TIPARP: variants seen among roughly 807,000 people sequenced by gnomAD.
TIPARP encodes TCDD inducible poly(ADP-ribose) polymerase.
In TIPARP, 12 loss-of-function variants were observed where a neutral mutation model predicts 56.5. That is an observed-to-expected ratio of 0.21 (90% CI 0.14 to 0.34). TIPARP has a LOEUF of 0.34. TIPARP is among the 10% of genes least tolerant of loss of function. TIPARP has a pLI of 1.00. For synonymous variants in TIPARP, 296 were observed against 265.7 expected (o/e 1.11, Z -1.11); for missense variants, 604 against 781.6 (o/e 0.77, Z 2.71).
At chr3:156,697,615 G>A (rs184945767) in intron 4 of TIPARP, among the ~76,000 whole-genome samples, 1 of 152,260 alleles carries the variant, frequency 6.6e-6, no homozygotes, top group Admixed American at 6.5e-5. Flanking sequence ...GGCAGCACTA[G>A]GTCAAGCCAA....
At chr3:156,690,623 T>C (rs1485332074) in intron 2 of TIPARP, among the ~76,000 whole-genome samples, 1 of 152,184 alleles carries the variant, frequency 6.6e-6, no homozygotes, top group Non-Finnish European at 1.5e-5. Flanking sequence ...CATTCTTCCC[T>C]TAATAGCAAA....
intron 1 of TIPARP, chr3:156,675,892 C>T (rs917742655): frequency 1.3e-5 from 2 of 152,186 alleles, no homozygotes; most frequent in Non-Finnish European, 1.5e-5. Flanking sequence ...GTGGCTTTCC[C>T]CCTCCAGCCA....
chr3:156,697,547 G>A (rs1003759837), intron 4 of TIPARP, among the ~76,000 whole-genome samples: 1 of 151,372 alleles, frequency 6.6e-6, no homozygotes, highest in African/African-American at 2.4e-5. Context: ...TTGTTTTATG[G>A]TGCTTTGCTT....
chr3:156,698,146 G>A (rs1021021250), intron 4 of TIPARP, among the ~76,000 whole-genome samples: 2 of 152,288 alleles, frequency 1.3e-5, no homozygotes, highest in African/African-American at 4.8e-5. Flanking sequence ...TTTCAAGGCC[G>A]AGAGAGGTGA....
Position 156,696,007 on chromosome 3 carries a change from T to C in TIPARP, c.1229T>C (p.Ile410Thr). Residue 410 changes from isoleucine (I) to threonine (T), a missense_variant, in exon 4 of 6, where the codon ATA (isoleucine) becomes ACA (threonine). Physicochemically the swap from Ile to Thr is moderately conservative, Grantham distance 89. Coordinates refer to ENST00000295924, the MANE Select transcript of TIPARP (RefSeq NM_015508.5). ...KRRPLFRSCFILLPYLQTLGG... is the reference protein window; with the variant it reads ...KRRPLFRSCFTLLPYLQTLGG... ...AGACCCCTCTTCCGCTCCTGTTTTATACTGCTTCCATATTTACAGTAAGTG... is the reference window on the plus strand; with the variant it reads ...AGACCCCTCTTCCGCTCCTGTTTTACACTGCTTCCATATTTACAGTAAGTG... The C allele has an allele frequency of 6.2e-7, 1 of 1,609,156 alleles. No homozygotes were observed. Among genetic ancestry groups the C allele is most frequent in the Non-Finnish European group, 8.5e-7 (1 of 1,178,620 alleles).
In TIPARP at chr3:156,705,472, G is replaced by T; in HGVS notation, c.*341G>T. ...CCTAATTTAAATGTGGCTTGGGCCT[G>T]GTAGAAGTTTGACCAAATGGAATGG... On this transcript the variant is annotated 3_prime_UTR_variant, in exon 6 of 6. Transcript: ENST00000295924. 1 of 172,048 alleles carries T rather than the reference G, an allele frequency of 5.8e-6. No individual in the cohort carries two copies. Among genetic ancestry groups the T allele is most frequent in the Non-Finnish European group, 1.3e-5 (1 of 79,974 alleles). The allele number at this position is 172,048 out of a possible 1,614,324, so 10.7% of individuals were successfully genotyped here.
At chr3:156,703,367 G>A (rs1383050234) in intron 4 of TIPARP, 57 bp from the exon 5 acceptor site, 10 of 1,543,050 alleles carry the variant, frequency 6.5e-6, no homozygotes, top group Non-Finnish European at 8.8e-6. Flanking sequence ...TCACTATAAT[G>A]TGAGGTGTAC....
chr3:156,685,942 A>C (rs1722418240), intron 2 of TIPARP, among the ~76,000 whole-genome samples: 1 of 152,232 alleles, frequency 6.6e-6, no homozygotes, highest in South Asian at 2.1e-4. Context: ...AATACTCTAA[A>C]TAATTTCCTG....
intron 4 of TIPARP, among the ~76,000 whole-genome samples, chr3:156,702,386 A>G (rs1722871883): frequency 6.6e-6 from 1 of 152,198 alleles, no homozygotes; most frequent in Admixed American, 6.5e-5. Context: ...TATTGTATGT[A>G]AAATGGCTGG....
At chr3:156,676,235 T>C (rs903651838) in intron 1 of TIPARP, among the ~76,000 whole-genome samples, 1 of 152,228 alleles carries the variant, frequency 6.6e-6, no homozygotes, top group African/African-American at 2.4e-5. Flanking sequence ...GATCCCTCCT[T>C]CTTCGTGAAG....
rs1722900264 is a variant in TIPARP at position 156,703,435 on chromosome 3, G to A, written c.1259G>A (p.Gly420Glu). ...CCTCTCCATTTTAGGACACTTGGTGGGGTTCCCACACAAGCTCCTCCACCT... is the reference window on the plus strand; with the variant it reads ...CCTCTCCATTTTAGGACACTTGGTGAGGTTCCCACACAAGCTCCTCCACCT... ...ILLPYLQTLG[G>E]VPTQAPPPLE... The change falls in exon 5 of 6, where the codon GGG (glycine) becomes GAG (glutamate). Residue 420 changes from glycine (G) to glutamate (E), a missense_variant. Around this residue, in one of 4 missense-constraint regions of TIPARP, gnomAD observed 252 missense variants for 303.9 expected, o/e 0.83. Coordinates refer to ENST00000295924, the MANE Select transcript of TIPARP (RefSeq NM_015508.5). 3 of 1,613,900 alleles carry A rather than the reference G, an allele frequency of 1.9e-6. No individual in the cohort carries two copies. Among genetic ancestry groups the A allele is most frequent in the Non-Finnish European group, 2.5e-6 (3 of 1,179,950 alleles).
Position 156,694,090 on chromosome 3 carries a change from A to G in TIPARP, c.988A>G (p.Arg330Gly). 1 of 1,613,620 alleles carries G rather than the reference A, an allele frequency of 6.2e-7. No individual in the cohort carries two copies. The highest frequency in any genetic ancestry group is 8.5e-7 in the Non-Finnish European group (1 of 1,179,758). The change falls in exon 3 of 6, where the codon AGG (arginine) becomes GGG (glycine). Residue 330 changes from arginine (R) to glycine (G), a missense_variant. Coordinates refer to ENST00000295924, the MANE Select transcript of TIPARP (RefSeq NM_015508.5). Reference sequence around the variant, plus strand: ...AACAACTGAATTTGACCAACTACGAAGGCTGTCCACACCACCCTCTAGCAA... The same window carrying G: ...AACAACTGAATTTGACCAACTACGAGGGCTGTCCACACCACCCTCTAGCAA... ...YETTEFDQLRRLSTPPSSNVN... is the reference protein window; with the variant it reads ...YETTEFDQLRGLSTPPSSNVN...
intron 4 of TIPARP, among the ~76,000 whole-genome samples, chr3:156,697,685 C>A (rs955412865): frequency 6.6e-6 from 1 of 152,046 alleles, no homozygotes; most frequent in Non-Finnish European, 1.5e-5. Flanking sequence ...AATCATATTT[C>A]GGGTATTCTT....
intron 2 of TIPARP, among the ~76,000 whole-genome samples, chr3:156,681,552 A>G (rs1462479819): frequency 6.6e-6 from 1 of 152,206 alleles, no homozygotes; most frequent in Non-Finnish European, 1.5e-5. Context: ...ATTGGATTTA[A>G]TACCTAAATC....
At chr3:156,676,578 G>C (rs1332936597) in intron 1 of TIPARP, 1 of 152,152 alleles carries the variant, frequency 6.6e-6, no homozygotes, top group Admixed American at 6.5e-5. Flanking sequence ...GGGCACCTAG[G>C]ATGCATATTT....
In TIPARP at chr3:156,706,613, A is replaced by T. The variant is rs1057326944; in HGVS notation, c.*1482A>T. ...TTCAATTATAACTTGTAAACCAGTGACTCCTAATCTTTTTCAAGTTAAGAC... is the reference window on the plus strand; with the variant it reads ...TTCAATTATAACTTGTAAACCAGTGTCTCCTAATCTTTTTCAAGTTAAGAC... On this transcript the variant is annotated 3_prime_UTR_variant, in exon 6 of 6. Transcript: ENST00000295924. The T allele has an allele frequency of 3.7e-4, 57 of 152,438 alleles. No individual in the cohort carries two copies. Among genetic ancestry groups the T allele is most frequent in the African/African-American group, 1.3e-3 (54 of 41,356 alleles). 9.4% of individuals were successfully genotyped at this position (152,438 alleles called of 1,614,324 possible).
chr3:156,690,726 AT>A (rs1217097779), intron 2 of TIPARP, among the ~76,000 whole-genome samples: 6 of 152,142 alleles, frequency 3.9e-5, no homozygotes, highest in African/African-American at 1.4e-4. Flanking sequence ...TAGCCATCTG[AT>A]ACAAATAGCA....
intron 2 of TIPARP, 76 bp from the exon 3 acceptor site, chr3:156,693,944 T>C (rs548113844): frequency 6.9e-7 from 1 of 1,442,868 alleles, no homozygotes; most frequent in South Asian, 1.4e-5. Context: ...TAATGTCCAA[T>C]GATATTTTTA....
intron 1 of TIPARP, chr3:156,675,575 G>C (rs1038552078): frequency 6.6e-6 from 1 of 152,436 alleles, no homozygotes; most frequent in Admixed American, 6.5e-5. Context: ...TTGCAGAGCC[G>C]GGCGGCGCCT....
Sources: allele counts gnomAD v4.1 joint callset (sites outside exome capture counted in the v4.1 genomes callset), GRCh38; gene constraint gnomAD v4.1.1; regional missense constraint gnomAD v4.1.1; transcripts MANE v1.5; gene names NCBI Gene and HGNC (gene_info 2026-07-23, HGNC 2026-07-21).